Variants in LZTR1 observed in about 807,000 individuals in gnomAD.
LZTR1 encodes the protein leucine-zipper-like transcriptional regulator 1.
Under a neutral mutation model 105.7 loss-of-function variants are expected in LZTR1, and 260 were observed. The ratio of observed to expected loss-of-function variants is 2.46; its 90% CI spans 2.22 to 2.72. LZTR1 has a LOEUF of 2.72. Ranked by LOEUF, LZTR1 falls within the 30% of genes most tolerant of loss-of-function variation. LZTR1 has a pLI of 0.00. For missense variants in LZTR1, 1,214 were observed against 1,166.9 expected (o/e 1.04, Z -0.59); for synonymous variants, 490 against 476.4 (o/e 1.03, Z -0.37).
At chr22:20,993,280 TCA>T (rs1461813845) in intron 11 of LZTR1, 1 of 427,090 alleles carries the variant, frequency 2.3e-6, no homozygotes, top group Non-Finnish European at 4.3e-6. Flanking sequence ...GGGCAGGGAC[TCA>T]CAGCCACAGT....
At position 20,993,704 on chromosome 22, in the gene LZTR1, C is replaced by T. The variant is rs369722558; in HGVS notation, c.1303C>T (p.Arg435Trp). The T allele has an allele frequency of 1.3e-4, 206 of 1,613,376 alleles. No individual in the cohort carries two copies. Among genetic ancestry groups the T allele is most frequent in the Middle Eastern group, 1.6e-4 (1 of 6,080 alleles). The stretch of plus-strand genomic sequence containing the variant: ...ATGCACGCTGCACGAGGACTACGGG[C>T]GGCTGTGGGAGAGCCGCCAGTTCTG... ...PKCTLHEDYG[R>W]LWESRQFCDV... is the part of the protein sequence containing the mutation. The change falls in exon 12 of 21, where the codon CGG becomes TGG. Residue 435 changes from arginine (R) to tryptophan (W), a missense_variant. By Grantham distance (101) the Arg-to-Trp change is moderately radical. Transcript: ENST00000646124.
Position 20,993,655 on chromosome 22 carries a change from C to T in LZTR1, c.1261-7C>T, listed in dbSNP as rs773332843. On this transcript the variant is annotated splice_region_variant and splice_polypyrimidine_tract_variant and intron_variant, in intron 11 of 20. Coordinates refer to ENST00000646124, the MANE Select transcript of LZTR1 (RefSeq NM_006767.4). ...CAACATCTAGTCTCACTGGGCCCCT[C>T]TTGCAGTTCTCCTGTTACCCTAAAT... The T allele has an allele frequency of 7.4e-6, 12 of 1,612,144 alleles. No homozygotes were observed. In the Admixed American group the frequency reaches 2.0e-4, roughly 27 times the overall value.
rs140612093 is a variant in LZTR1 at position 20,991,691 on chromosome 22, C to G, written c.855C>G (p.Tyr285Ter). 6.2e-7 allele frequency: 1 copy of G among 1,603,176 alleles called. No individual in the cohort carries two copies. Among genetic ancestry groups the G allele is most frequent in the Non-Finnish European group, 8.5e-7 (1 of 1,176,380 alleles). Residue 285 changes from tyrosine (Y) to a stop codon, truncating the protein, a stop_gained, in exon 9 of 21, where the codon TAC becomes TAG. Coordinates refer to ENST00000646124, the MANE Select transcript of LZTR1 (RefSeq NM_006767.4). LOFTEE classifies it high-confidence loss of function. ...RGSPPPPQRRYGHTMVAFDRH... is the reference protein window; with the variant it reads ...RGSPPPPQRR ...CCCCACCACCCCCGCAGCGGCGCTACGGGCATACCATGGTGGCCTTTGACC... is the reference window on the plus strand; with the variant it reads ...CCCCACCACCCCCGCAGCGGCGCTAGGGGCATACCATGGTGGCCTTTGACC...
Position 20,997,437 on chromosome 22 carries a change from G to A in LZTR1, c.*89G>A. On this transcript the variant is annotated 3_prime_UTR_variant, in exon 21 of 21. Transcript: ENST00000646124. ...ACTACCGGCTATGCGCATGCCTATG[G>A]CAGTGGGTGCACCTGCCAGGCCAAG... is the stretch of plus-strand genomic sequence containing the variant. 2 of 990,604 alleles carry A rather than the reference G, an allele frequency of 2.0e-6. No individual in the cohort carries two copies. The highest frequency in any genetic ancestry group is 2.7e-5 in the South Asian group (2 of 75,246). The allele number at this position is 990,604 out of a possible 1,614,324, so 61.4% of individuals were successfully genotyped here.
At chr22:20,995,691 G>T in intron 16 of LZTR1, 55 bp from the exon 17 acceptor site, 1 of 1,606,426 alleles carries the variant, frequency 6.2e-7, no homozygotes, top group Non-Finnish European at 8.5e-7. Context: ...AGTGCCGTGG[G>T]GCCCCAAGGC....
chr22:20,987,355 C>G, intron 3 of LZTR1, 149 bp from the exon 4 acceptor site: 2 of 592,854 alleles, frequency 3.4e-6, no homozygotes, highest in Non-Finnish European at 6.1e-6. Flanking sequence ...TGCCACTGCA[C>G]TCCAGCCGGG....
At chr22:20,986,190 T>C (rs1315888000) in intron 3 of LZTR1, 1 of 329,530 alleles carries the variant, frequency 3.0e-6, no homozygotes, top group African/African-American at 2.1e-5. Context: ...GAAGTTGCTA[T>C]GTCTTTTCTC....
Position 20,998,799 on chromosome 22 carries a change from G to GGCCAGGTGC in LZTR1, c.*1452_*1460dup, listed in dbSNP as rs16446. On this transcript the variant is annotated 3_prime_UTR_variant, in exon 21 of 21. Coordinates refer to ENST00000646124, the MANE Select transcript of LZTR1 (RefSeq NM_006767.4). ...GCAGGCTGCAGCGCCCAGCCATGTGGGCCAGGTGCATTCACTCAGAGTGGG... is the reference window on the plus strand; with the variant it reads ...GCAGGCTGCAGCGCCCAGCCATGTGGGCCAGGTGCGCCAGGTGCATTCACTCAGAGTGGG... 0.29 allele frequency: 43,949 copies of GGCCAGGTGC among 151,828 alleles called. 7,013 individuals are homozygous for GGCCAGGTGC. Among genetic ancestry groups the GGCCAGGTGC allele is most frequent in the Admixed American group, 0.38 (5,794 of 15,250 alleles). 9.4% of individuals were successfully genotyped at this position (151,828 alleles called of 1,614,324 possible).
chr22:20,998,251 T>A lies in LZTR1; in HGVS notation c.*903T>A, dbSNP rs1216335289. 6.6e-6 allele frequency: 1 copy of A among 152,364 alleles called. No homozygotes were observed. Among genetic ancestry groups the A allele is most frequent in the East Asian group, 1.9e-4 (1 of 5,178 alleles). 9.4% of individuals were successfully genotyped at this position (152,364 alleles called of 1,614,324 possible). ...CATGCTGTCAACTCCTGCCTCCACC[T>A]GGGGTCACCCAGTCACATTGGGAAG... is the stretch of plus-strand genomic sequence containing the variant. On this transcript the variant is annotated 3_prime_UTR_variant, in exon 21 of 21. Coordinates refer to ENST00000646124, the MANE Select transcript of LZTR1 (RefSeq NM_006767.4).
At chr22:20,995,194 A>C in intron 16 of LZTR1, 168 bp downstream of exon 16, 1 of 764,202 alleles carries the variant, frequency 1.3e-6, no homozygotes, top group South Asian at 1.7e-5. Context: ...TGAAGGCAGA[A>C]GCCCCCGACC....
intron 11 of LZTR1, 62 bp from the exon 12 acceptor site, chr22:20,993,600 A>C (rs558736555): frequency 6.9e-7 from 1 of 1,449,692 alleles, no homozygotes; most frequent in Non-Finnish European, 9.6e-7. Flanking sequence ...GTCGGCCTGC[A>C]CAGCCACACT....
intron 18 of LZTR1, chr22:20,996,408 C>G: frequency 1.7e-6 from 1 of 592,516 alleles, no homozygotes; most frequent in Non-Finnish European, 3.0e-6. Flanking sequence ...GGAGGTACTC[C>G]TTATGTCACT....
chr22:20,996,854 G>A, intron 19 of LZTR1, 32 bp from the exon 20 acceptor site: 2 of 1,612,128 alleles, frequency 1.2e-6, no homozygotes, highest in Non-Finnish European at 1.7e-6. Flanking sequence ...GTGGGTGAAA[G>A]GGGCAGCGCC....
At chr22:20,991,602 A>G in intron 8 of LZTR1, 26 bp from the exon 9 acceptor site, 1 of 1,527,552 alleles carries the variant, frequency 6.5e-7, no homozygotes, top group South Asian at 1.2e-5. Context: ...CTGTCCCAGC[A>G]TTGATTCACT....
At position 20,989,795 on chromosome 22, in the gene LZTR1, G is replaced by A. The variant is rs967593704; in HGVS notation, c.651+113G>A. The A allele has an allele frequency of 5.8e-6, 7 of 1,201,778 alleles. No individual in the cohort carries two copies. The African/African-American group carries it at 7.5e-5, about 13-fold the overall frequency. 74.4% of individuals were successfully genotyped at this position (1,201,778 alleles called of 1,614,324 possible). On this transcript the variant is annotated intron_variant, in intron 7 of 20. Transcript: ENST00000646124. ...GGAGACAGGGTGCAGGTGGAGGGAG[G>A]TGGGAGGCAGGGGGAGCCAGGCTGG...
intron 18 of LZTR1, 129 bp downstream of exon 18, chr22:20,996,241 T>C: frequency 9.5e-7 from 1 of 1,051,596 alleles, no homozygotes; most frequent in East Asian, 2.5e-5. Flanking sequence ...TCCAGAGGGT[T>C]TGCTGGTGCC....
At chr22:20,991,324 G>T in intron 8 of LZTR1, 1 of 440,682 alleles carries the variant, frequency 2.3e-6, no homozygotes, top group Non-Finnish European at 4.1e-6. Flanking sequence ...ACTCCCCAGA[G>T]AGCAGGACTG....
chr22:20,987,660 C>T (rs925794437), intron 4 of LZTR1, 77 bp downstream of exon 4: 3 of 1,326,574 alleles, frequency 2.3e-6, no homozygotes, highest in African/African-American at 1.4e-5. Context: ...AGGCCTGGGG[C>T]ATTTGTGCTC....
chr22:20,991,678 C>T lies in LZTR1; in HGVS notation c.842C>T (p.Pro281Leu), dbSNP rs1390048261. 6.9e-6 allele frequency: 11 copies of T among 1,603,876 alleles called. No homozygotes were observed. Among genetic ancestry groups the T allele is most frequent in the African/African-American group, 2.7e-5 (2 of 74,842 alleles). ...CTGCTCCGGGGCTCCCCACCACCCCCGCAGCGGCGCTACGGGCATACCATG... is the reference window on the plus strand; with the variant it reads ...CTGCTCCGGGGCTCCCCACCACCCCTGCAGCGGCGCTACGGGCATACCATG... ...EHLLRGSPPPPQRRYGHTMVA... is the reference protein window; with the variant it reads ...EHLLRGSPPPLQRRYGHTMVA... Residue 281 changes from proline to leucine, a missense_variant, in exon 9 of 21, where the codon CCG becomes CTG. By Grantham distance (98) the Pro-to-Leu change is moderately conservative (BLOSUM62 -3). Transcript: ENST00000646124.
Sources: allele counts gnomAD v4.1 joint callset, GRCh38; gene constraint gnomAD v4.1.1; transcripts MANE v1.5; gene names NCBI Gene and HGNC (gene_info 2026-07-23, HGNC 2026-07-21).